The following KLHL5 variants were observed in gnomAD, a reference collection of about 807,000 sequenced individuals.
KLHL5 encodes kelch-like protein 5.
A neutral mutation model predicts 77.7 loss-of-function variants in KLHL5; 48 were observed. That is an observed-to-expected ratio of 0.62 (90% CI 0.49 to 0.79). The LOEUF is 0.79. Among genes scored for constraint, KLHL5 ranks in the 30% least tolerant of loss-of-function variants. The pLI, the probability that KLHL5 is intolerant of heterozygous loss-of-function variation, is 0.00. For missense variants in KLHL5, 723 were observed against 859.7 expected (o/e 0.84, Z 1.99); for synonymous variants, 260 against 297.0 (o/e 0.88, Z 1.28).
the KLHL5 span, among the ~76,000 whole-genome samples, chr4:39,138,644 C>T: frequency 6.6e-6 from 1 of 152,146 alleles, no homozygotes; most frequent in South Asian, 2.1e-4. Flanking sequence ...GGAAAAATAG[C>T]TAATGGGTAC....
At chr4:39,102,035 T>A (rs1233158987) in intron 6 of KLHL5, among the ~76,000 whole-genome samples, 2 of 150,226 alleles carry the variant, frequency 1.3e-5, no homozygotes, top group African/African-American at 4.9e-5. Flanking sequence ...CCAAATAATT[T>A]AGAATTCTGT....
At chr4:39,048,893 C>A (rs1716416918) in intron 1 of KLHL5, among the ~76,000 whole-genome samples, 1 of 152,070 alleles carries the variant, frequency 6.6e-6, no homozygotes, top group African/African-American at 2.4e-5. Context: ...CCACCTGCCT[C>A]AGCCTCCCAA....
intron 10 of KLHL5, chr4:39,115,550 T>C: frequency 2.7e-6 from 4 of 1,456,220 alleles, no homozygotes; most frequent in Non-Finnish European, 3.6e-6. Flanking sequence ...TCAGAGAAAT[T>C]ATTAATTATC....
At chr4:39,101,071 A>C (rs1283944462) in intron 6 of KLHL5, among the ~76,000 whole-genome samples, 1 of 146,388 alleles carries the variant, frequency 6.8e-6, no homozygotes, top group Non-Finnish European at 1.5e-5. Flanking sequence ...AGTCCCAAGC[A>C]TTTACATAAA....
At chr4:39,137,032 G>T in the KLHL5 span, among the ~76,000 whole-genome samples, 1 of 152,162 alleles carries the variant, frequency 6.6e-6, no homozygotes, top group Admixed American at 6.5e-5. Context: ...GAAAGACAAG[G>T]TTTTCACTGT....
chr4:39,130,939 C>T (rs537428638), downstream of KLHL5, among the ~76,000 whole-genome samples: 1 of 151,678 alleles, frequency 6.6e-6, no homozygotes, highest in South Asian at 2.1e-4. Flanking sequence ...ACATCATAGG[C>T]TCAAGCAATC....
At chr4:39,046,911 A>G (rs1716234274) in intron 1 of KLHL5, among the ~76,000 whole-genome samples, 1 of 152,230 alleles carries the variant, frequency 6.6e-6, no homozygotes, top group Admixed American at 6.5e-5. Context: ...ACTGTGTTCT[A>G]AGGAATGAGA....
At chr4:39,096,924 A>G (rs375840174) in intron 6 of KLHL5, 46 bp downstream of exon 6, 67 of 1,486,854 alleles carry the variant, frequency 4.5e-5, no homozygotes, top group Non-Finnish European at 5.9e-5. Flanking sequence ...AGAGAAAAAG[A>G]TATTTTAATA....
chr4:39,125,583 A>G lies in KLHL5; in HGVS notation c.*4517A>G, dbSNP rs1723492436. Among the ~76,000 whole-genome samples the G allele has an allele frequency of 6.6e-6, 1 of 152,224 alleles. No homozygotes were observed. Among genetic ancestry groups the G allele is most frequent in the South Asian group, 2.1e-4 (1 of 4,834 alleles). ...CTTGAGCGCATTTTTGCCAAGTGAAAGAAGGCAGACACAAAAGGCAACGTA... is the reference window on the plus strand; with the variant it reads ...CTTGAGCGCATTTTTGCCAAGTGAAGGAAGGCAGACACAAAAGGCAACGTA... On this transcript the variant is annotated 3_prime_UTR_variant, in exon 11 of 11. Coordinates refer to ENST00000504108, the MANE Select transcript of KLHL5 (RefSeq NM_015990.5).
At chr4:39,103,256 A>T (rs762780933) in intron 6 of KLHL5, 31 bp from the exon 7 acceptor site, 23 of 1,469,394 alleles carry the variant, frequency 1.6e-5, no homozygotes, top group Non-Finnish European at 2.0e-5. Context: ...TATAATTTCT[A>T]TTTACATAAC....
chr4:39,092,980 T>A (rs1720728622), intron 5 of KLHL5: 1 of 397,374 alleles, frequency 2.5e-6, no homozygotes, highest in Middle Eastern at 3.6e-4. Flanking sequence ...ATTTGCCATA[T>A]GCCCCAGCAG....
chr4:39,127,719 C>G (rs1723613918), downstream of KLHL5, among the ~76,000 whole-genome samples: 1 of 152,106 alleles, frequency 6.6e-6, no homozygotes, highest in African/African-American at 2.4e-5. Flanking sequence ...CCCGCCTCCT[C>G]TTCCCAAAGT....
chr4:39,077,694 T>TGAAAAAAAAAAAAAAAAAAAAAAAAA (rs1719194947), intron 2 of KLHL5, among the ~76,000 whole-genome samples: 1 of 128,626 alleles, frequency 7.8e-6, no homozygotes. Flanking sequence ...GAACTAAAGG[T>TGAAAAAAAAAAAAAAAAAAAAAAAAA]AAAAAAAAAA....
At chr4:39,102,472 G>A (rs770403175) in intron 6 of KLHL5, among the ~76,000 whole-genome samples, 6 of 149,938 alleles carry the variant, frequency 4.0e-5, no homozygotes, top group Non-Finnish European at 8.9e-5. Context: ...CAAAGTACCC[G>A]ATCCGTACTT....
intron 8 of KLHL5, among the ~76,000 whole-genome samples, chr4:39,110,420 T>A (rs1296822048): frequency 1.3e-5 from 2 of 152,192 alleles, no homozygotes; most frequent in Admixed American, 1.3e-4. Flanking sequence ...TAATAATTTT[T>A]TTTCTAAGTT....
upstream of KLHL5, among the ~76,000 whole-genome samples, chr4:39,057,480 A>G (rs1023396780): frequency 2.6e-5 from 4 of 152,180 alleles, no homozygotes; most frequent in Admixed American, 1.3e-4. Context: ...CTTTTAGGGT[A>G]AATAACTGAA....
At chr4:39,136,055 T>C in the KLHL5 span, among the ~76,000 whole-genome samples, 1 of 151,292 alleles carries the variant, frequency 6.6e-6, no homozygotes, top group Non-Finnish European at 1.5e-5. Context: ...CGCCACTATG[T>C]TCTCAGAGCT....
rs368299836 is a variant in KLHL5 at position 39,121,078 on chromosome 4, G to A, written c.*12G>A. The A allele has an allele frequency of 8.0e-5, 127 of 1,586,104 alleles. No individual in the cohort carries two copies. Among genetic ancestry groups the A allele is most frequent in the African/African-American group, 7.8e-4 (58 of 74,504 alleles). On this transcript the variant is annotated 3_prime_UTR_variant, in exon 11 of 11. Transcript: ENST00000504108. ...CTGTAAAATTATAATTTAGTGCCCC[G>A]TTTTCTACATGAAGACACCGTCTTC...
chr4:39,107,735 A>G lies in KLHL5; in HGVS notation c.1688+4A>G. The G allele has an allele frequency of 6.3e-7, 1 of 1,578,154 alleles. No homozygotes were observed. The highest frequency in any genetic ancestry group is 8.7e-7 in the Non-Finnish European group (1 of 1,156,026). ...GTGTGGCAGTACTAAGTGGAAAGTA[A>G]GGAAATATTTAAAGTTCCATTTAAA... On this transcript the variant is annotated splice_donor_region_variant and intron_variant, in intron 8 of 10. Coordinates refer to ENST00000504108, the MANE Select transcript of KLHL5 (RefSeq NM_015990.5).
Sources: allele counts gnomAD v4.1 joint callset (sites outside exome capture counted in the v4.1 genomes callset), GRCh38; gene constraint gnomAD v4.1.1; transcripts MANE v1.5; gene names NCBI Gene and HGNC (gene_info 2026-07-23, HGNC 2026-07-21).